UBR2: variants seen among roughly 807,000 people sequenced by gnomAD.
UBR2 encodes E3 ubiquitin-protein ligase UBR2.
In UBR2, 92 loss-of-function variants were observed where a neutral mutation model predicts 247.9. The observed-to-expected ratio is 0.37, with a 90% CI of 0.31 to 0.44. The LOEUF is 0.44. Among genes scored for constraint, UBR2 ranks in the 20% least tolerant of loss-of-function variants. The pLI, the probability that UBR2 is intolerant of heterozygous loss-of-function variation, is 1.00. For missense variants in UBR2, 1,613 were observed against 2,112.6 expected (o/e 0.76, Z 4.64); for synonymous variants, 672 against 693.5 (o/e 0.97, Z 0.49).
rs1799816988 is a variant in UBR2, at chr6:42,692,902, C to CT, written c.*1730dup. On this transcript the variant is annotated 3_prime_UTR_variant, in exon 47 of 47. Transcript: ENST00000372901. ...AAAATTCACATTTGAGTCCACCTCT[C>CT]TCCCCCTTTTTCTGGCCTTCATTCA... The CT allele has an allele frequency of 6.6e-6, 1 of 152,184 alleles. No individual in the cohort carries two copies. The highest frequency in any genetic ancestry group is 2.4e-5 in the African/African-American group (1 of 41,434). The allele number at this position is 152,184 out of a possible 1,614,324, so 9.4% of individuals were successfully genotyped here.
rs1163384120 is a variant in UBR2 at position 42,605,848 on chromosome 6, G to C, written c.790G>C (p.Val264Leu). ...QKEAIGFATT[V>L]DRDGRRSVRY... The stretch of plus-strand genomic sequence containing the variant: ...AGAAGCTATTGGTTTTGCAACTACA[G>C]TAGATCGAGATGTAAGTAATTTTAC... Residue 264 changes from valine (V) to leucine (L), a missense_variant, in exon 6 of 47, where the codon GTA becomes CTA. Physicochemically the swap from Val to Leu is conservative, Grantham distance 32. Around this residue, in one of 3 missense-constraint regions of UBR2, gnomAD observed 1,524 missense variants for 1,967.3 expected, o/e 0.77. Transcript: ENST00000372901. 1 of 1,607,530 alleles carries C rather than the reference G, an allele frequency of 6.2e-7. No individual in the cohort carries two copies. The highest frequency in any genetic ancestry group is 8.5e-7 in the Non-Finnish European group (1 of 1,178,248).
intron 39 of UBR2, 152 bp downstream of exon 39, chr6:42,676,343 A>G: frequency 1.2e-6 from 1 of 831,026 alleles, no homozygotes. Flanking sequence ...GTTTTGAAAC[A>G]TTTCTTTCTC....
chr6:42,636,929 T>C (rs1432793311), intron 14 of UBR2, 82 bp from the exon 15 acceptor site: 1 of 1,444,240 alleles, frequency 6.9e-7, no homozygotes, highest in Non-Finnish European at 9.4e-7. Context: ...TTGAGGTACT[T>C]ACTCACTGAA....
At chr6:42,643,421 C>A (rs972219601) in intron 18 of UBR2, among the ~76,000 whole-genome samples, 1 of 151,988 alleles carries the variant, frequency 6.6e-6, no homozygotes, top group Non-Finnish European at 1.5e-5. Context: ...CATGGTGAAA[C>A]CCTGTCTCTA....
In UBR2 at chr6:42,632,889, A is replaced by G. The variant is rs1446323990; in HGVS notation, c.1530A>G (p.Leu510=). Residue 510 remains leucine, a synonymous_variant, in exon 13 of 47, where the codon TTA becomes TTG. Transcript: ENST00000372901. ...AAGGGTTTGATGCCTTTTTGGAATT[A>G]CTAAAATGTATGCAGGTATGTAAAA... ...FLEGFDAFLE[L]LKCMQGMDPI... 2.1e-5 allele frequency: 33 copies of G among 1,586,988 alleles called. No homozygotes were observed. Among genetic ancestry groups the G allele is most frequent in the Non-Finnish European group, 2.5e-5 (29 of 1,171,748 alleles).
intron 4 of UBR2, among the ~76,000 whole-genome samples, chr6:42,598,048 G>A (rs952099662): frequency 6.6e-6 from 1 of 152,080 alleles, no homozygotes; most frequent in Non-Finnish European, 1.5e-5. Context: ...CGAAAAAGCT[G>A]GGGGAAACCT....
intron 1 of UBR2, among the ~76,000 whole-genome samples, chr6:42,566,500 T>TC (rs1329461475): frequency 6.6e-6 from 1 of 152,214 alleles, no homozygotes; most frequent in Non-Finnish European, 1.5e-5. Context: ...TTCTCCTGCC[T>TC]CAGCCTCCCG....
chr6:42,569,731 A>AT (rs1676492564), intron 1 of UBR2, among the ~76,000 whole-genome samples: 4 of 152,222 alleles, frequency 2.6e-5, no homozygotes, highest in African/African-American at 9.7e-5. Flanking sequence ...ACTGTAATAA[A>AT]AGGCTAACTA....
At chr6:42,632,934 TCC>T in intron 13 of UBR2, 30 bp downstream of exon 13, 2 of 1,364,178 alleles carry the variant, frequency 1.5e-6, no homozygotes, top group Non-Finnish European at 2.0e-6. Flanking sequence ...CTTTTCTTTT[TCC>T]TTTTTTTTTT....
At chr6:42,585,893 T>C (rs1467610529) in intron 2 of UBR2, among the ~76,000 whole-genome samples, 1 of 152,192 alleles carries the variant, frequency 6.6e-6, no homozygotes, top group Non-Finnish European at 1.5e-5. Flanking sequence ...ATTTCTACTC[T>C]TATTATTCTT....
chr6:42,682,688 G>A (rs1396125437), intron 42 of UBR2, among the ~76,000 whole-genome samples: 1 of 152,162 alleles, frequency 6.6e-6, no homozygotes, highest in Non-Finnish European at 1.5e-5. Context: ...CGAAAGTGCA[G>A]GGATTACAGG....
At chr6:42,565,100 C>A (rs1206420516) in intron 1 of UBR2, among the ~76,000 whole-genome samples, 3 of 152,166 alleles carry the variant, frequency 2.0e-5, no homozygotes, top group Admixed American at 6.5e-5. Flanking sequence ...GATAGAGCAG[C>A]TTTCAACAAA....
chr6:42,619,453 A>ATATATATATATATTTTTTTTTTT, intron 11 of UBR2: 1 of 23,716 alleles, frequency 4.2e-5, no homozygotes, highest in Non-Finnish European at 8.4e-5. Context: ...ATATATATAT[A>ATATATATATATATTTTTTTTTTT]TTTTTTTTTT....
intron 11 of UBR2, among the ~76,000 whole-genome samples, chr6:42,621,969 A>G (rs146231745): frequency 6.7e-4 from 102 of 152,172 alleles, no homozygotes; most frequent in Non-Finnish European, 1.1e-3. Context: ...TTTTTAAAAA[A>G]ATTTCTTTCA....
chr6:42,571,104 G>A (rs2151900246), intron 1 of UBR2, among the ~76,000 whole-genome samples: 1 of 150,506 alleles, frequency 6.6e-6, no homozygotes, highest in South Asian at 2.1e-4. Context: ...TTTTTAGAAA[G>A]CATCCATGCT....
At chr6:42,647,417 TAAAAA>T (rs750938791) in intron 21 of UBR2, among the ~76,000 whole-genome samples, 1 of 102,168 alleles carries the variant, frequency 9.8e-6, no homozygotes, top group Non-Finnish European at 2.0e-5. Context: ...CCATCGCTAC[TAAAAA>T]AAAAAAAAAA....
At chr6:42,643,424 T>C (rs931697944) in intron 18 of UBR2, among the ~76,000 whole-genome samples, 9 of 152,008 alleles carry the variant, frequency 5.9e-5, no homozygotes, top group Non-Finnish European at 1.0e-4. Flanking sequence ...GGTGAAACCC[T>C]GTCTCTACTA....
rs1282900841 is a variant in UBR2, at chr6:42,620,494, G to GTTTTTTTTTTTTTTT, written c.1281+2992_1281+2993insTTTTTTTTTTTTTTT. ...ATATTAAGTGTTGTTTTTTTTTTTT[G>GTTTTTTTTTTTTTTT]TTTTTGTTTTTGTTTTTTTTTAAGA... On this transcript the variant is annotated intron_variant, in intron 11 of 46. Transcript: ENST00000372901. 12 of 97,012 alleles carry GTTTTTTTTTTTTTTT rather than the reference G, an allele frequency of 1.2e-4. 1 individual carries two copies. Among genetic ancestry groups the GTTTTTTTTTTTTTTT allele is most frequent in the Non-Finnish European group, 1.3e-4 (6 of 44,884 alleles). 6.0% of individuals were successfully genotyped at this position (97,012 alleles called of 1,614,324 possible).
In UBR2 at chr6:42,642,400, T is replaced by C; in HGVS notation, c.2032-16T>C. 1 of 1,562,982 alleles carries C rather than the reference T, an allele frequency of 6.4e-7. No individual in the cohort carries two copies. The highest frequency in any genetic ancestry group is 8.7e-7 in the Non-Finnish European group (1 of 1,144,308). ...AATAAAAACTATTTACTCAATATAA[T>C]TACTTTTTTTTTTAGATTTATTACT... On this transcript the variant is annotated splice_polypyrimidine_tract_variant and intron_variant, in intron 17 of 46. Coordinates refer to ENST00000372901, the MANE Select transcript of UBR2 (RefSeq NM_001363705.2).
Sources: allele counts gnomAD v4.1 joint callset (sites outside exome capture counted in the v4.1 genomes callset), GRCh38; gene constraint gnomAD v4.1.1; regional missense constraint gnomAD v4.1.1; transcripts MANE v1.5; gene names NCBI Gene and HGNC (gene_info 2026-07-23, HGNC 2026-07-21).